Variants in ACTR3C observed in about 807,000 individuals in gnomAD.
The protein encoded by ACTR3C is actin related protein 3C, also known as actin-related protein 3C.
In ACTR3C, 18 loss-of-function variants were observed where a neutral mutation model predicts 26.3. The ratio of observed to expected loss-of-function variants is 0.68; its 90% CI spans 0.47 to 1.01. The LOEUF (loss-of-function observed/expected upper bound fraction) is 1.01. ACTR3C is among the 50% of genes least tolerant of loss of function. The pLI, the probability that ACTR3C is intolerant of heterozygous loss-of-function variation, is 0.00. For synonymous variants in ACTR3C, 55 were observed against 94.5 expected (o/e 0.58, Z 2.42); for missense variants, 184 against 250.7 (o/e 0.73, Z 1.80).
At chr7:150,100,767 G>C in the ACTR3C span, among the ~76,000 whole-genome samples, 1 of 151,206 alleles carries the variant, frequency 6.6e-6, no homozygotes, top group East Asian at 1.9e-4. Context: ...GCAGTGGTGC[G>C]ATCTTGGCTC....
the ACTR3C span, among the ~76,000 whole-genome samples, chr7:150,130,132 A>G: frequency 1.1e-3 from 162 of 152,302 alleles, 1 homozygote; most frequent in African/African-American, 3.8e-3. Flanking sequence ...CATACCAGCA[A>G]AAATGATCCT....
the ACTR3C span, among the ~76,000 whole-genome samples, chr7:150,067,050 T>C: frequency 6.6e-6 from 1 of 152,184 alleles, no homozygotes; most frequent in Non-Finnish European, 1.5e-5. Context: ...CAATGAGAAA[T>C]ATAACTGCAT....
chr7:150,199,295 T>G, the ACTR3C span, among the ~76,000 whole-genome samples: 1 of 127,442 alleles, frequency 7.8e-6, no homozygotes, highest in African/African-American at 3.6e-5. Context: ...CCTGTTGATC[T>G]GTGACCTTAC....
intron 6 of ACTR3C, among the ~76,000 whole-genome samples, chr7:150,256,297 G>A (rs1188865428): frequency 2.6e-5 from 4 of 152,234 alleles, no homozygotes; most frequent in African/African-American, 4.8e-5. Context: ...CCAGTAATGG[G>A]ACTGCTGGGC....
At chr7:150,238,828 T>C in the ACTR3C span, among the ~76,000 whole-genome samples, 1 of 147,906 alleles carries the variant, frequency 6.8e-6, no homozygotes. Flanking sequence ...TTAAGTTGTA[T>C]TTGTCTGATT....
chr7:150,043,967 A>G, the ACTR3C span, among the ~76,000 whole-genome samples: 3 of 152,214 alleles, frequency 2.0e-5, no homozygotes, highest in East Asian at 5.8e-4. Flanking sequence ...ATAGCGGATG[A>G]TGAAATTGGC....
At chr7:150,159,983 C>T in the ACTR3C span, among the ~76,000 whole-genome samples, 3 of 152,042 alleles carry the variant, frequency 2.0e-5, no homozygotes, top group Admixed American at 6.6e-5. Flanking sequence ...TTAGTAGAGA[C>T]GGGGTTTCAC....
chr7:150,075,401 G>A, the ACTR3C span, among the ~76,000 whole-genome samples: 1 of 142,240 alleles, frequency 7.0e-6, no homozygotes. Flanking sequence ...ACTCATCATG[G>A]CCTTTTCCCT....
the ACTR3C span, among the ~76,000 whole-genome samples, chr7:150,116,440 T>G: frequency 2.0e-5 from 3 of 152,342 alleles, no homozygotes; most frequent in East Asian, 5.8e-4. Flanking sequence ...TATTGTCTTG[T>G]GTACATGTTT....
the ACTR3C span, among the ~76,000 whole-genome samples, chr7:150,046,347 G>GCCCCCCCCCCCCCCCCC: frequency 1.2e-4 from 2 of 16,986 alleles, no homozygotes; most frequent in Non-Finnish European, 2.6e-4. Flanking sequence ...ATGTCTCACC[G>GCCCCCCCCCCCCCCCCC]CCCCCCCCCC....
the ACTR3C span, among the ~76,000 whole-genome samples, chr7:149,896,814 C>T: frequency 6.6e-6 from 1 of 152,008 alleles, no homozygotes; most frequent in Non-Finnish European, 1.5e-5. Context: ...AATCCCAGCA[C>T]TTTAGGAGGT....
the ACTR3C span, among the ~76,000 whole-genome samples, chr7:150,078,032 T>C: frequency 2.0e-5 from 3 of 152,198 alleles, no homozygotes; most frequent in Non-Finnish European, 4.4e-5. Flanking sequence ...TGTTAGTCTA[T>C]AAAATTTGCC....
intron 6 of ACTR3C, among the ~76,000 whole-genome samples, chr7:150,254,589 GTGTTGATTACCTAAACCTGCTTCC>G (rs1457553998): frequency 2.6e-5 from 4 of 152,204 alleles, no homozygotes; most frequent in African/African-American, 9.7e-5. Flanking sequence ...CTCATCACCT[GTGTTGATTACCTAAACCTGCTTCC>G]TGTTGACCAG....
chr7:149,935,721 C>G, the ACTR3C span, among the ~76,000 whole-genome samples: 132,336 of 144,460 alleles, frequency 0.92, 61,311 homozygotes, highest in Non-Finnish European at 0.99. Context: ...TTACCCTAAA[C>G]ATAACACCAA....
chr7:150,261,794 T>G (rs1415169316), intron 6 of ACTR3C, among the ~76,000 whole-genome samples: 1 of 152,282 alleles, frequency 6.6e-6, no homozygotes, highest in African/African-American at 2.4e-5. Flanking sequence ...TGGCCCCTAA[T>G]GTCATATACT....
the ACTR3C span, chr7:150,004,762 G>A: frequency 5.3e-5 from 8 of 152,342 alleles, no homozygotes; most frequent in South Asian, 1.4e-3. Context: ...TTCTAATTAT[G>A]AGGAAACATC....
chr7:149,883,438 G>C, the ACTR3C span, among the ~76,000 whole-genome samples: 1 of 152,180 alleles, frequency 6.6e-6, no homozygotes. Context: ...AAAATGGGCC[G>C]TGACTGAGAG....
the ACTR3C span, among the ~76,000 whole-genome samples, chr7:150,222,869 A>T: frequency 6.6e-6 from 1 of 152,236 alleles, no homozygotes; most frequent in African/African-American, 2.4e-5. Context: ...TTTTTCTTCC[A>T]TGGCACGAAT....
the ACTR3C span, among the ~76,000 whole-genome samples, chr7:150,229,351 T>C: frequency 4.6e-5 from 7 of 152,192 alleles, no homozygotes; most frequent in African/African-American, 1.4e-4. Flanking sequence ...GTTGTGGAAG[T>C]CCCCCTCTAT....
Sources: gnomAD v4.1 joint callset for allele counts (sites outside exome capture counted in the v4.1 genomes callset) on GRCh38, gnomAD v4.1.1 for gene constraint, MANE v1.5 for transcripts, NCBI Gene and HGNC (gene_info 2026-07-23, HGNC 2026-07-21) for gene names.